TACC1: variants seen among roughly 807,000 people sequenced by gnomAD.
TACC1 encodes transforming acidic coiled-coil containing protein 1, also known as transforming acidic coiled-coil-containing protein 1.
A neutral mutation model predicts 84.4 loss-of-function variants in TACC1; 48 were observed. That is an observed-to-expected ratio of 0.57 (90% confidence interval 0.45 to 0.72). The LOEUF (loss-of-function observed/expected upper bound fraction) is 0.72, where lower values mean the gene tolerates loss of function less well. Among genes scored for constraint, TACC1 ranks in the 30% least tolerant of loss-of-function variants. The pLI, the probability that TACC1 is intolerant of heterozygous loss-of-function variation, is 0.00. For synonymous variants in TACC1, 372 were observed against 376.3 expected (o/e 0.99, Z 0.13); for missense variants, 920 against 973.0 (o/e 0.95, Z 0.72).
intron 3 of TACC1, among the ~76,000 whole-genome samples, chr8:38,754,505 A>G (rs759435914): frequency 6.6e-6 from 1 of 152,212 alleles, no homozygotes; most frequent in African/African-American, 2.4e-5. Context: ...TGTTTGCATT[A>G]TCAATGACAC....
At chr8:38,757,603 C>T (rs1355803512) in intron 3 of TACC1, among the ~76,000 whole-genome samples, 2 of 152,014 alleles carry the variant, frequency 1.3e-5, no homozygotes, top group Non-Finnish European at 2.9e-5. Flanking sequence ...TGGGAGCGTC[C>T]TGCCAGGACC....
Position 38,787,687 on chromosome 8 carries a change from C to T in TACC1, c.105C>T (p.Pro35=), listed in dbSNP as rs544106722. ...GAAGEDEAGG[P]EGDPEEEDSQ... ...CCGGCGAGGACGAGGCTGGCGGGCC[C>T]GAGGGCGACCCCGAGGAGGAGGATT... Residue 35 remains proline, a synonymous_variant, in exon 1 of 13, where the codon CCC becomes CCT. Transcript: ENST00000317827. 2.0e-5 allele frequency: 31 copies of T among 1,541,682 alleles called. No individual in the cohort carries two copies. In the African/African-American group the frequency reaches 2.9e-4, roughly 14 times the overall value.
At position 38,852,667 on chromosome 8, in the gene TACC1, C is replaced by A. The variant is rs1588208312; in HGVS notation, c.*4644C>A. On this transcript the variant is annotated 3_prime_UTR_variant, in exon 13 of 13. Transcript: ENST00000317827. ...TAGGATCCAGGCATTTCTTTTAAATCTCAGAGGTAGCAGTAAACTTTTCAG... is the reference window on the plus strand; with the variant it reads ...TAGGATCCAGGCATTTCTTTTAAATATCAGAGGTAGCAGTAAACTTTTCAG... 6.6e-6 allele frequency: 1 copy of A among 152,666 alleles called. No homozygotes were observed. Among genetic ancestry groups the A allele is most frequent in the African/African-American group, 2.4e-5 (1 of 41,454 alleles). The allele number at this position is 152,666 out of a possible 1,614,324, so 9.5% of individuals were successfully genotyped here.
chr8:38,792,839 A>T (rs1436267671), intron 2 of TACC1, among the ~76,000 whole-genome samples: 2 of 151,848 alleles, frequency 1.3e-5, no homozygotes, highest in Non-Finnish European at 2.9e-5. Context: ...GCCTAAAGGG[A>T]TTCTCCTGCC....
chr8:38,818,344 A>C (rs1825899154), intron 2 of TACC1, among the ~76,000 whole-genome samples: 1 of 152,246 alleles, frequency 6.6e-6, no homozygotes, highest in South Asian at 2.1e-4. Context: ...TTCCTTTAAA[A>C]TCATGAGATA....
exon 2 of TACC1, chr8:38,742,357 G>A: frequency 7.1e-7 from 1 of 1,418,260 alleles, no homozygotes; most frequent in Non-Finnish European, 9.4e-7. Context: ...CCAGTCCCAA[G>A]GGTTCCAAGG....
chr8:38,834,100 G>C (rs1829769153), intron 6 of TACC1, among the ~76,000 whole-genome samples: 1 of 152,122 alleles, frequency 6.6e-6, no homozygotes, highest in African/African-American at 2.4e-5. Context: ...TTGTTTCTGT[G>C]CGTCAGGAAT....
rs573921166 is a variant in TACC1 at position 38,765,178 on chromosome 8, G to A, written c.26+19685G>A. On this transcript the variant is annotated intron_variant, in intron 3 of 14. Transcript: ENST00000518415. Reference sequence around the variant, plus strand: ...GGCTTTGTTTCTTTTTTTTTTTAATGTGTAATTTTATTTCTGCCTCATTAA... The same window carrying A: ...GGCTTTGTTTCTTTTTTTTTTTAATATGTAATTTTATTTCTGCCTCATTAA... Among the ~76,000 whole-genome samples the A allele has an allele frequency of 4.8e-5, 7 of 146,044 alleles. No individual in the cohort carries two copies. In the East Asian group the frequency reaches 5.9e-4, roughly 12 times the overall value.
Position 38,848,100 on chromosome 8 carries a change from G to A in TACC1, c.*77G>A. The A allele has an allele frequency of 1.5e-6, 2 of 1,351,998 alleles. No homozygotes were observed. The highest frequency in any genetic ancestry group is 2.1e-6 in the Non-Finnish European group (2 of 971,872). 83.8% of individuals were successfully genotyped at this position (1,351,998 alleles called of 1,614,324 possible). On this transcript the variant is annotated 3_prime_UTR_variant, in exon 13 of 13. Coordinates refer to ENST00000317827, the MANE Select transcript of TACC1 (RefSeq NM_006283.3). Reference sequence around the variant, plus strand: ...ACCACAATTATCTTGCCTTATCCAGGAATAATTGCCCCTTTGCAGAGAAAA... The same window carrying A: ...ACCACAATTATCTTGCCTTATCCAGAAATAATTGCCCCTTTGCAGAGAAAA...
chr8:38,737,818 C>T (rs1806266104), intron 1 of TACC1, among the ~76,000 whole-genome samples: 1 of 151,526 alleles, frequency 6.6e-6, no homozygotes, highest in Admixed American at 6.6e-5. Context: ...ACCTCTGCCT[C>T]CTGGGTTCAA....
rs766346677 is a variant in TACC1 at position 38,827,208 on chromosome 8, A to G, written c.1493A>G (p.Asn498Ser). ...AVISQISDIS[N>S]RDGHATDEEK... ...ATCTCCCAGATTTCAGACATTTCTA[A>G]TAGGGATGGCCATGCTACTGATGAG... Residue 498 changes from asparagine (N) to serine (S), a missense_variant, in exon 5 of 13, where the codon AAT becomes AGT. This residue lies in a region of TACC1 where 762 missense variants were observed against 747.3 expected (regional missense o/e 1.02). Transcript: ENST00000317827. 3 of 1,614,094 alleles carry G rather than the reference A, an allele frequency of 1.9e-6. No homozygotes were observed. The highest frequency in any genetic ancestry group is 1.7e-4 in the Middle Eastern group (1 of 5,996).
intron 1 of TACC1, among the ~76,000 whole-genome samples, chr8:38,731,913 A>T (rs1805005251): frequency 6.6e-6 from 1 of 152,266 alleles, no homozygotes; most frequent in Admixed American, 6.5e-5. Flanking sequence ...GGAGTTTGAG[A>T]CCAGCCTGGC....
At chr8:38,796,263 T>G (rs1193855070) in intron 2 of TACC1, among the ~76,000 whole-genome samples, 1 of 152,212 alleles carries the variant, frequency 6.6e-6, no homozygotes, top group African/African-American at 2.4e-5. Flanking sequence ...GGTTTTGAAT[T>G]CAGCTTTTAA....
At chr8:38,763,116 A>G (rs1459204106) in intron 3 of TACC1, among the ~76,000 whole-genome samples, 2 of 152,128 alleles carry the variant, frequency 1.3e-5, no homozygotes, top group African/African-American at 4.8e-5. Flanking sequence ...TAGGCATCCC[A>G]ATGGGTGCGA....
At chr8:38,782,288 G>A (rs1335072739), upstream of TACC1, among the ~76,000 whole-genome samples, 2 of 151,320 alleles carry the variant, frequency 1.3e-5, no homozygotes, top group East Asian at 1.9e-4. Context: ...TTTTGTTCTT[G>A]CGATAGTTTA....
intron 1 of TACC1, among the ~76,000 whole-genome samples, chr8:38,741,023 G>A (rs1806963831): frequency 6.6e-6 from 1 of 152,130 alleles, no homozygotes; most frequent in Non-Finnish European, 1.5e-5. Flanking sequence ...TAAGCCAAAA[G>A]AACCTTTTAT....
chr8:38,742,300 C>A, intron 1 of TACC1: 2 of 800,656 alleles, frequency 2.5e-6, no homozygotes, highest in Non-Finnish European at 3.5e-6. Flanking sequence ...GTGCTGGAAA[C>A]TTACCTTATG....
At chr8:38,788,015 C>T (rs964443281) in intron 1 of TACC1, 3 of 470,892 alleles carry the variant, frequency 6.4e-6, no homozygotes. Context: ...GTCACTTTCT[C>T]TAAGCTTCGA....
chr8:38,743,480 G>C (rs372403555), intron 2 of TACC1, among the ~76,000 whole-genome samples: 2 of 152,128 alleles, frequency 1.3e-5, no homozygotes, highest in African/African-American at 4.8e-5. Context: ...CTTTAGGCCT[G>C]GGCAGTGTTA....
Sources: allele counts gnomAD v4.1 joint callset (sites outside exome capture counted in the v4.1 genomes callset), GRCh38; gene constraint gnomAD v4.1.1; regional missense constraint gnomAD v4.1.1; transcripts MANE v1.5; gene names NCBI Gene and HGNC (gene_info 2026-07-23, HGNC 2026-07-21).